CADM2: variants seen among roughly 807,000 people sequenced by gnomAD.
CADM2 encodes the protein immunoglobulin superfamily member 4D.
CADM2 carries 12 observed loss-of-function variants against 49.8 expected under a neutral mutation model. The observed-to-expected ratio is 0.24, with a 90% CI of 0.15 to 0.39. CADM2 has a LOEUF of 0.39. Ranked by LOEUF, CADM2 falls within the 10% of genes least tolerant of loss-of-function variation. CADM2 has a pLI of 1.00. For synonymous variants in CADM2, 214 were observed against 175.4 expected (o/e 1.22, Z -1.74); for missense variants, 378 against 492.3 (o/e 0.77, Z 2.20).
chr3:85,597,238 A>G (rs1352779442), intron 1 of CADM2, among the ~76,000 whole-genome samples: 1 of 152,052 alleles, frequency 6.6e-6, no homozygotes, highest in African/African-American at 2.4e-5. Context: ...ACACGTAAGA[A>G]GCTTATACAA....
chr3:85,750,122 CTT>C (rs2068802418), intron 2 of CADM2, among the ~76,000 whole-genome samples: 1 of 151,932 alleles, frequency 6.6e-6, no homozygotes, highest in South Asian at 2.1e-4. Flanking sequence ...CATCTTAAGA[CTT>C]TTTTGTATCC....
chr3:85,597,425 T>C (rs1440353159), intron 1 of CADM2, among the ~76,000 whole-genome samples: 1 of 152,104 alleles, frequency 6.6e-6, no homozygotes, highest in African/African-American at 2.4e-5. Flanking sequence ...AATGTGCATA[T>C]TTATCTCTTC....
At chr3:85,022,303 T>C (rs959950321) in intron 1 of CADM2, among the ~76,000 whole-genome samples, 9 of 152,184 alleles carry the variant, frequency 5.9e-5, no homozygotes, top group African/African-American at 2.2e-4. Flanking sequence ...TTTATGCTTG[T>C]AACTTGGATA....
intron 1 of CADM2, among the ~76,000 whole-genome samples, chr3:85,432,409 A>C (rs1254854063): frequency 6.6e-6 from 1 of 152,090 alleles, no homozygotes; most frequent in Non-Finnish European, 1.5e-5. Flanking sequence ...GAATTTCTGC[A>C]AAAATTACCA....
intron 8 of CADM2, among the ~76,000 whole-genome samples, chr3:86,048,032 A>T (rs569604936): frequency 6.6e-6 from 1 of 152,296 alleles, no homozygotes; most frequent in East Asian, 1.9e-4. Context: ...GAAAACATGT[A>T]TCAAAGATGA....
intron 6 of CADM2, among the ~76,000 whole-genome samples, chr3:85,927,049 G>C (rs190527331): frequency 6.6e-6 from 1 of 152,264 alleles, no homozygotes; most frequent in East Asian, 1.9e-4. Flanking sequence ...ACAATGAGGA[G>C]AGCACAGAAT....
chr3:85,347,730 C>T (rs1281012307), intron 1 of CADM2, among the ~76,000 whole-genome samples: 1 of 150,678 alleles, frequency 6.6e-6, no homozygotes, highest in Non-Finnish European at 1.5e-5. Context: ...CAACTTCCGC[C>T]TTCCAGGTTG....
chr3:85,429,631 C>T (rs1484099039), intron 1 of CADM2, among the ~76,000 whole-genome samples: 1 of 151,784 alleles, frequency 6.6e-6, no homozygotes, highest in Non-Finnish European at 1.5e-5. Flanking sequence ...TGCTAATTGG[C>T]CAATGTGTAC....
chr3:86,040,310 A>T (rs1051471391), intron 8 of CADM2, among the ~76,000 whole-genome samples: 1 of 152,194 alleles, frequency 6.6e-6, no homozygotes, highest in Admixed American at 6.5e-5. Flanking sequence ...GTTCAAACCC[A>T]TGGCAAAGAA....
intron 1 of CADM2, among the ~76,000 whole-genome samples, chr3:85,668,878 A>G (rs2065653356): frequency 6.6e-6 from 1 of 152,140 alleles, no homozygotes; most frequent in Non-Finnish European, 1.5e-5. Context: ...GGATATTCAC[A>G]TTGTTTTAAT....
intron 1 of CADM2, among the ~76,000 whole-genome samples, chr3:85,131,038 C>T (rs1349609415): frequency 3.3e-5 from 5 of 151,926 alleles, no homozygotes; most frequent in African/African-American, 7.3e-5. Context: ...CAAAATTAGC[C>T]GGGCGTGGCA....
In CADM2 at chr3:85,877,684, GT is replaced by G. The variant is rs368101272; in HGVS notation, c.239-5588del. On this transcript the variant is annotated intron_variant, in intron 3 of 9. Transcript: ENST00000383699. ...CTAAATGGAACATTTTTTTTCTTCTGTTTTTTTTTTTTTTTTTTTGGTTTTT... is the reference window on the plus strand; with the variant it reads ...CTAAATGGAACATTTTTTTTCTTCTGTTTTTTTTTTTTTTTTTTGGTTTTT... Among the ~76,000 whole-genome samples the G allele has an allele frequency of 4.6e-3, 519 of 111,984 alleles. 1 individual carries two copies. The highest frequency in any genetic ancestry group is 0.02 in the Middle Eastern group (3 of 152). The allele number at this position is 111,984 out of a possible 152,430, so 73.5% of individuals were successfully genotyped here.
In CADM2 at chr3:85,913,350, G is replaced by GAT. The variant is rs1385036330; in HGVS notation, c.700+809_700+810dup. Among the ~76,000 whole-genome samples the GAT allele has an allele frequency of 7.2e-5, 11 of 152,238 alleles. No individual in the cohort carries two copies. The South Asian group carries it at 1.2e-3, about 17-fold the overall frequency. Reference sequence around the variant, plus strand: ...AAATATAAAAGAATAGAGGATAGGAGATAATATGTTCTGAATTGCAATATT... The same window carrying GAT: ...AAATATAAAAGAATAGAGGATAGGAGATATAATATGTTCTGAATTGCAATATT... On this transcript the variant is annotated intron_variant, in intron 6 of 9. Transcript: ENST00000383699.
At chr3:85,303,659 A>T (rs2044151644) in intron 1 of CADM2, among the ~76,000 whole-genome samples, 1 of 151,942 alleles carries the variant, frequency 6.6e-6, no homozygotes. Flanking sequence ...AGAACATTTG[A>T]CTTTCTCTTG....
chr3:85,711,433 T>TA (rs137952107), intron 1 of CADM2, among the ~76,000 whole-genome samples: 5,548 of 152,242 alleles, frequency 0.036, 320 homozygotes, highest in African/African-American at 0.13. Context: ...AAGGAAACTT[T>TA]AAAAAAATAA....
At chr3:85,031,545 C>G (rs186004157) in intron 1 of CADM2, among the ~76,000 whole-genome samples, 2 of 152,062 alleles carry the variant, frequency 1.3e-5, no homozygotes, top group Non-Finnish European at 2.9e-5. Context: ...GACGGAGTCT[C>G]GCTCTGTCGC....
intron 2 of CADM2, among the ~76,000 whole-genome samples, chr3:85,752,719 C>G (rs2068918074): frequency 6.6e-6 from 1 of 151,890 alleles, no homozygotes; most frequent in African/African-American, 2.4e-5. Context: ...TCCAGATTGC[C>G]CCACTCGTGG....
chr3:85,761,367 CTTTTTTTTTTTTT>C (rs529447125), intron 2 of CADM2, among the ~76,000 whole-genome samples: 1 of 101,090 alleles, frequency 9.9e-6, no homozygotes, highest in East Asian at 2.9e-4. Flanking sequence ...CAACACAAAA[CTTTTTTTTTTTTT>C]TTTTTTTTTT....
chr3:85,658,893 C>T, intron 1 of CADM2, among the ~76,000 whole-genome samples: 1 of 149,916 alleles, frequency 6.7e-6, no homozygotes, highest in East Asian at 2.0e-4. Flanking sequence ...TCTACAAAAA[C>T]ATAAAGCAAT....
Sources: allele counts gnomAD v4.1 joint callset (sites outside exome capture counted in the v4.1 genomes callset), GRCh38; gene constraint gnomAD v4.1.1; transcripts MANE v1.5; gene names NCBI Gene and HGNC (gene_info 2026-07-23, HGNC 2026-07-21).